SEC14L5: variants seen among roughly 807,000 people sequenced by gnomAD.
The protein encoded by SEC14L5 is SEC14-like protein 5.
Under a neutral mutation model 84.6 loss-of-function variants are expected in SEC14L5, and 96 were observed. The ratio of observed to expected loss-of-function variants is 1.13; its 90% CI spans 0.96 to 1.34. The LOEUF (loss-of-function observed/expected upper bound fraction) is 1.34, where lower values mean the gene tolerates loss of function less well. SEC14L5 is among the 40% of genes most tolerant of loss of function. The pLI is 0.00. For missense variants in SEC14L5, 1,224 were observed against 942.5 expected (o/e 1.30, Z -3.91); for synonymous variants, 546 against 383.4 (o/e 1.42, Z -4.95).
At chr16:5,011,929 A>G (rs992277291) in intron 15 of SEC14L5, among the ~76,000 whole-genome samples, 2 of 152,218 alleles carry the variant, frequency 1.3e-5, no homozygotes, top group Admixed American at 6.5e-5. Context: ...AAGGTTTTGC[A>G]TTCTGTAAAA....
At chr16:4,997,738 G>T (rs1316204030) in intron 8 of SEC14L5, among the ~76,000 whole-genome samples, 5 of 152,158 alleles carry the variant, frequency 3.3e-5, no homozygotes, top group Non-Finnish European at 5.9e-5. Flanking sequence ...CGTCACCAGG[G>T]CCGTGCTCCC....
intron 11 of SEC14L5, 124 bp from the exon 12 acceptor site, chr16:5,005,790 G>T (rs1254300454): frequency 4.3e-6 from 4 of 937,062 alleles, no homozygotes; most frequent in Non-Finnish European, 6.1e-6. Flanking sequence ...CGTGAACCCG[G>T]GAGGTGGAGC....
At chr16:4,983,313 A>AT (rs1271596602) in intron 2 of SEC14L5, among the ~76,000 whole-genome samples, 2 of 151,746 alleles carry the variant, frequency 1.3e-5, no homozygotes, top group African/African-American at 2.4e-5. Flanking sequence ...TGCTCACAGC[A>AT]TGCCCATATA....
chr16:4,969,403 G>C (rs948222214), intron 2 of SEC14L5, among the ~76,000 whole-genome samples: 1 of 145,714 alleles, frequency 6.9e-6, no homozygotes, highest in Non-Finnish European at 1.5e-5. Context: ...TTTTTTTTTT[G>C]AGACAGAGTC....
rs368874752 is a variant in SEC14L5 at position 5,000,612 on chromosome 16, C to G, written c.971-43C>G. ...TGACCTGCCCCTCGGAAGCAGTCCT[C>G]TAAATAACGGGCTCTTCTTTCTGCT... On this transcript the variant is annotated intron_variant, in intron 8 of 15. Coordinates refer to ENST00000251170, the MANE Select transcript of SEC14L5 (RefSeq NM_014692.2). The G allele has an allele frequency of 2.7e-6, 4 of 1,468,658 alleles. No homozygotes were observed. In the Admixed American group the frequency reaches 5.9e-5, roughly 22 times the overall value. 91.0% of individuals were successfully genotyped at this position (1,468,658 alleles called of 1,614,324 possible).
chr16:4,988,079 G>T (rs1955512563), intron 3 of SEC14L5, 70 bp from the exon 4 acceptor site: 2 of 1,559,470 alleles, frequency 1.3e-6, no homozygotes, highest in Non-Finnish European at 8.8e-7. Flanking sequence ...AGGCCCGCCG[G>T]ACTCGCTCTC....
chr16:4,979,111 C>T (rs1302193177), intron 2 of SEC14L5, among the ~76,000 whole-genome samples: 1 of 152,258 alleles, frequency 6.6e-6, no homozygotes, highest in East Asian at 1.9e-4. Context: ...CATGGTCAAG[C>T]TGGGGAGACA....
At chr16:5,004,178 G>A (rs1400241333) in intron 11 of SEC14L5, among the ~76,000 whole-genome samples, 1 of 152,200 alleles carries the variant, frequency 6.6e-6, no homozygotes, top group Non-Finnish European at 1.5e-5. Flanking sequence ...AGATGTACAG[G>A]GGCAATAGGG....
At chr16:4,983,392 C>T (rs1422760750) in intron 2 of SEC14L5, among the ~76,000 whole-genome samples, 1 of 150,136 alleles carries the variant, frequency 6.7e-6, no homozygotes, top group Admixed American at 6.7e-5. Flanking sequence ...TTTATATATA[C>T]ATTATATATT....
chr16:4,982,704 A>G (rs775279886), intron 2 of SEC14L5, among the ~76,000 whole-genome samples: 32 of 152,164 alleles, frequency 2.1e-4, no homozygotes, highest in Non-Finnish European at 4.4e-4. Flanking sequence ...TGGAGGAAAT[A>G]ATCCTGGCCA....
chr16:4,962,749 T>C (rs1955142309), intron 2 of SEC14L5, among the ~76,000 whole-genome samples: 1 of 151,948 alleles, frequency 6.6e-6, no homozygotes, highest in African/African-American at 2.4e-5. Flanking sequence ...TCATTTGTAT[T>C]TTCCAGAGGG....
chr16:5,005,887 C>G (rs1474985433), intron 11 of SEC14L5, 27 bp from the exon 12 acceptor site: 4 of 1,360,736 alleles, frequency 2.9e-6, no homozygotes, highest in Admixed American at 5.4e-5. Context: ...AAAAAACCAT[C>G]CATCTTGCCT....
At chr16:4,992,398 C>G (rs560334205) in intron 6 of SEC14L5, among the ~76,000 whole-genome samples, 149 of 152,262 alleles carry the variant, frequency 9.8e-4, no homozygotes, top group African/African-American at 3.4e-3. Flanking sequence ...TTACAGGCAT[C>G]TGCCACCACA....
intron 8 of SEC14L5, among the ~76,000 whole-genome samples, chr16:4,998,737 CAAAAAA>C (rs60494025): frequency 5.3e-5 from 5 of 94,036 alleles, no homozygotes; most frequent in African/African-American, 9.7e-5. Flanking sequence ...GACTCCGTCT[CAAAAAA>C]AAAAAAAAAA....
intron 2 of SEC14L5, among the ~76,000 whole-genome samples, chr16:4,984,320 C>T (rs1040585330): frequency 2.6e-5 from 4 of 152,290 alleles, no homozygotes; most frequent in African/African-American, 9.6e-5. Flanking sequence ...TACTTGCACT[C>T]AGCATAATAT....
chr16:4,975,116 C>T (rs1955325284), intron 2 of SEC14L5, among the ~76,000 whole-genome samples: 2 of 152,068 alleles, frequency 1.3e-5, no homozygotes, highest in African/African-American at 4.8e-5. Flanking sequence ...TAAGTGAGAA[C>T]ATATGATATT....
intron 15 of SEC14L5, among the ~76,000 whole-genome samples, chr16:5,013,429 C>G (rs1328624278): frequency 6.6e-6 from 1 of 152,044 alleles, no homozygotes; most frequent in African/African-American, 2.4e-5. Context: ...CTCTGTTACC[C>G]AGGCTGGAGT....
intron 6 of SEC14L5, among the ~76,000 whole-genome samples, chr16:4,994,667 T>C (rs1955589720): frequency 6.6e-6 from 1 of 151,382 alleles, no homozygotes; most frequent in Non-Finnish European, 1.5e-5. Context: ...TGGTTGGCTG[T>C]TGTTGTATGT....
intron 13 of SEC14L5, among the ~76,000 whole-genome samples, chr16:5,007,720 C>T (rs149887390): frequency 0.011 from 1,606 of 150,978 alleles, 34 homozygotes; most frequent in African/African-American, 0.037. Context: ...ATTCTCATGC[C>T]TCAGCCTCCC....
Sources: gnomAD v4.1 joint callset for allele counts (sites outside exome capture counted in the v4.1 genomes callset) on GRCh38, gnomAD v4.1.1 for gene constraint, MANE v1.5 for transcripts, NCBI Gene and HGNC (gene_info 2026-07-23, HGNC 2026-07-21) for gene names.